The following ENTPD3 variants were observed in gnomAD, a reference collection of about 807,000 sequenced individuals.
The protein encoded by ENTPD3 is ectonucleoside triphosphate diphosphohydrolase 3, also known as CD39 antigen-like 3.
In ENTPD3, 60 loss-of-function variants were observed where a neutral mutation model predicts 51.2. The observed-to-expected ratio is 1.17, with a 90% CI of 0.95 to 1.45. The LOEUF is 1.45. Among genes scored for constraint, ENTPD3 ranks in the 40% most tolerant of loss-of-function variants. The probability of loss-of-function intolerance (pLI) is 0.00; values close to 1 mark genes in which losing one functional copy is unlikely to be tolerated. For synonymous variants in ENTPD3, 221 were observed against 238.4 expected (o/e 0.93, Z 0.67); for missense variants, 593 against 641.1 (o/e 0.93, Z 0.81).
Position 40,391,926 on chromosome 3 carries a change from G to A in ENTPD3, c.41-97G>A. On this transcript the variant is annotated intron_variant, in intron 2 of 10. Transcript: ENST00000301825. ...GCTAACACCAGAGAAGGTGGTTTATGCACCTGATTATGGGGCCAGTCCATC... is the reference window on the plus strand; with the variant it reads ...GCTAACACCAGAGAAGGTGGTTTATACACCTGATTATGGGGCCAGTCCATC... 5.6e-6 allele frequency: 8 copies of A among 1,425,774 alleles called. No homozygotes were observed. The South Asian group carries it at 9.4e-5, about 17-fold the overall frequency. The allele number at this position is 1,425,774 out of a possible 1,614,324, so 88.3% of individuals were successfully genotyped here.
chr3:40,410,201 G>C (rs1374902620), intron 4 of ENTPD3, among the ~76,000 whole-genome samples: 1 of 152,290 alleles, frequency 6.6e-6, no homozygotes, highest in East Asian at 1.9e-4. Flanking sequence ...AGCACTTTGG[G>C]AGGCTGAAGC....
In ENTPD3 at chr3:40,414,575, A is replaced by C. The variant is rs534767604; in HGVS notation, c.438-106A>C. On this transcript the variant is annotated intron_variant, in intron 5 of 10. Transcript: ENST00000301825. Reference sequence around the variant, plus strand: ...CACATCTGGAAAATCATTCATCCCCACCAGCAGGGAGACGGTGAAGTTTGC... The same window carrying C: ...CACATCTGGAAAATCATTCATCCCCCCCAGCAGGGAGACGGTGAAGTTTGC... 36 of 1,244,934 alleles carry C rather than the reference A, an allele frequency of 2.9e-5. 1 individual carries two copies. In the African/African-American group the frequency reaches 5.2e-4, roughly 18 times the overall value. The allele number at this position is 1,244,934 out of a possible 1,614,324, so 77.1% of individuals were successfully genotyped here.
intron 4 of ENTPD3, among the ~76,000 whole-genome samples, chr3:40,401,390 G>C (rs763240119): frequency 6.6e-6 from 1 of 152,184 alleles, no homozygotes; most frequent in African/African-American, 2.4e-5. Flanking sequence ...TCTTATACTG[G>C]TTCTGATTCC....
rs1325415262 is a variant in ENTPD3 at position 40,423,321 on chromosome 3, G to A, written c.1135G>A (p.Ala379Thr). ...TGCAGGATTCTACTACACAGCCAGT[G>A]CTTTAAATCTTTCAGGTAGCTTTTC... Reference protein sequence around the residue: ...AFAGFYYTASALNLSGSFSLD... With the variant: ...AFAGFYYTASTLNLSGSFSLD... The change falls in exon 9 of 11, where the codon GCT becomes ACT. Residue 379 changes from alanine (A) to threonine (T), a missense_variant. By Grantham distance (58) the Ala-to-Thr change is moderately conservative (BLOSUM62 0). Transcript: ENST00000301825. 2 of 1,613,888 alleles carry A rather than the reference G, an allele frequency of 1.2e-6. No individual in the cohort carries two copies. Among genetic ancestry groups the A allele is most frequent in the Non-Finnish European group, 1.7e-6 (2 of 1,179,944 alleles).
chr3:40,404,956 T>G (rs1955456424), intron 4 of ENTPD3, among the ~76,000 whole-genome samples: 2 of 152,194 alleles, frequency 1.3e-5, no homozygotes, highest in African/African-American at 4.8e-5. Context: ...GCGGTTTCTG[T>G]GCTGGTGTCT....
rs878855735 is a variant in ENTPD3 at position 40,388,035 on chromosome 3, C to T, written c.-12-11C>T. ...TGGACTTACTGACATCCTGTATTCTCTCACCTGCAGCTAGGAGAAAAGATG... is the reference window on the plus strand; with the variant it reads ...TGGACTTACTGACATCCTGTATTCTTTCACCTGCAGCTAGGAGAAAAGATG... On this transcript the variant is annotated splice_polypyrimidine_tract_variant and intron_variant, in intron 1 of 10. Coordinates refer to ENST00000301825, the MANE Select transcript of ENTPD3 (RefSeq NM_001248.4). 3.1e-6 allele frequency: 5 copies of T among 1,613,024 alleles called. No homozygotes were observed. The South Asian group carries it at 5.5e-5, about 18-fold the overall frequency.
intron 3 of ENTPD3, among the ~76,000 whole-genome samples, chr3:40,396,684 A>C (rs1432017083): frequency 2.6e-5 from 4 of 152,140 alleles, no homozygotes; most frequent in Non-Finnish European, 1.5e-5. Context: ...CTCGGCCCCC[A>C]GTCCCCCGCT....
At chr3:40,401,498 T>C (rs577841763) in intron 4 of ENTPD3, among the ~76,000 whole-genome samples, 177 of 152,320 alleles carry the variant, frequency 1.2e-3, no homozygotes, top group Non-Finnish European at 1.9e-3. Context: ...GGGAAGCATT[T>C]ATAATGGGCA....
chr3:40,388,009 G>C, intron 1 of ENTPD3, 37 bp from the exon 2 acceptor site: 1 of 1,574,822 alleles, frequency 6.3e-7, no homozygotes, highest in Non-Finnish European at 8.7e-7. Context: ...GGCCGGGGCG[G>C]TGGACTTACT....
intron 7 of ENTPD3, among the ~76,000 whole-genome samples, chr3:40,421,381 T>C (rs1176101388): frequency 1.3e-5 from 2 of 152,286 alleles, no homozygotes; most frequent in African/African-American, 2.4e-5. Flanking sequence ...AAGTTGAACA[T>C]AGTTCAAATC....
intron 10 of ENTPD3, among the ~76,000 whole-genome samples, chr3:40,426,147 C>T (rs1220443577): frequency 3.2e-5 from 4 of 123,608 alleles, no homozygotes; most frequent in African/African-American, 1.2e-4. Flanking sequence ...CTCGCTCTGT[C>T]GCCTAGGCTG....
Position 40,423,290 on chromosome 3 carries a change from G to A in ENTPD3, c.1105-1G>A, listed in dbSNP as rs1261349420. 6.2e-7 allele frequency: 1 copy of A among 1,611,798 alleles called. No homozygotes were observed. The highest frequency in any genetic ancestry group is 1.3e-5 in the African/African-American group (1 of 74,814). The stretch of plus-strand genomic sequence containing the variant: ...TTTTCTTCTGTATTACTTATTTCCA[G>A]GCTTTTGCAGGATTCTACTACACAG... On this transcript the variant is annotated splice_acceptor_variant, in intron 8 of 10. Transcript: ENST00000301825. LOFTEE classifies it high-confidence loss of function.
chr3:40,390,485 A>G (rs917344443), intron 2 of ENTPD3, among the ~76,000 whole-genome samples: 1 of 152,184 alleles, frequency 6.6e-6, no homozygotes, highest in Admixed American at 6.5e-5. Flanking sequence ...ATAAGCCACT[A>G]TACCCAGCCC....
chr3:40,420,429 T>C (rs988850017), intron 7 of ENTPD3, among the ~76,000 whole-genome samples: 12 of 151,668 alleles, frequency 7.9e-5, no homozygotes, highest in Non-Finnish European at 1.6e-4. Flanking sequence ...TTAGTAGAGA[T>C]GGGGTTTCAC....
In ENTPD3 at chr3:40,407,373, T is replaced by A. The variant is rs561005319; in HGVS notation, c.287-4439T>A. 3.9e-5 allele frequency among the ~76,000 whole-genome samples: 6 copies of A among 152,272 alleles called. No homozygotes were observed. In the East Asian group the frequency reaches 9.6e-4, roughly 24 times the overall value. On this transcript the variant is annotated intron_variant, in intron 4 of 10. Coordinates refer to ENST00000301825, the MANE Select transcript of ENTPD3 (RefSeq NM_001248.4). ...AAAAAAAAACTTTACTTGTGGACAC[T>A]GACATTTTAATTTCTTATAATTTTC...
rs1955637623 is a variant in ENTPD3, at chr3:40,411,811, G to A, written c.287-1G>A. 1 of 1,570,286 alleles carries A rather than the reference G, an allele frequency of 6.4e-7. No homozygotes were observed. The highest frequency in any genetic ancestry group is 8.6e-7 in the Non-Finnish European group (1 of 1,158,040). On this transcript the variant is annotated splice_acceptor_variant, in intron 4 of 10. Coordinates refer to ENST00000301825, the MANE Select transcript of ENTPD3 (RefSeq NM_001248.4). LOFTEE classifies it high-confidence loss of function. Reference sequence around the variant, plus strand: ...ACAGATGCTGACTGCTTGCTTTTCAGGCTCTGGAATCTCCAGCTATGGAAA... The same window carrying A: ...ACAGATGCTGACTGCTTGCTTTTCAAGCTCTGGAATCTCCAGCTATGGAAA...
At chr3:40,397,002 G>C (rs1955216728) in intron 3 of ENTPD3, among the ~76,000 whole-genome samples, 2 of 151,758 alleles carry the variant, frequency 1.3e-5, no homozygotes. Context: ...GGCCCAGTCT[G>C]TGTTGAAATC....
intron 5 of ENTPD3, among the ~76,000 whole-genome samples, chr3:40,414,002 G>A (rs1300859711): frequency 6.6e-6 from 1 of 152,152 alleles, no homozygotes; most frequent in Non-Finnish European, 1.5e-5. Flanking sequence ...TCTACCCATG[G>A]ATGAAAGATG....
At chr3:40,404,484 TG>T (rs1465962226) in intron 4 of ENTPD3, among the ~76,000 whole-genome samples, 1 of 152,060 alleles carries the variant, frequency 6.6e-6, no homozygotes, top group Non-Finnish European at 1.5e-5. Flanking sequence ...CTTACAACTG[TG>T]GGGAAAAATA....
Sources: allele counts gnomAD v4.1 joint callset (sites outside exome capture counted in the v4.1 genomes callset), GRCh38; gene constraint gnomAD v4.1.1; transcripts MANE v1.5; gene names NCBI Gene and HGNC (gene_info 2026-07-23, HGNC 2026-07-21).